The following HERC1 variants were observed in gnomAD, a reference collection of about 807,000 sequenced individuals.
HERC1 encodes the protein HECT and RLD domain containing E3 ubiquitin protein ligase family member 1, also known as probable E3 ubiquitin-protein ligase HERC1.
In HERC1, 160 loss-of-function variants were observed where a neutral mutation model predicts 554.3. The observed-to-expected ratio is 0.29, with a 90% CI of 0.25 to 0.33. The LOEUF is 0.33. Ranked by LOEUF, HERC1 falls within the 10% of genes least tolerant of loss-of-function variation. HERC1 has a pLI of 1.00. For missense variants in HERC1, 4,919 were observed against 5,918.5 expected, an observed-to-expected ratio of 0.83 and a Z score of 5.54; for synonymous variants, 2,175 against 2,131.7, an observed-to-expected ratio of 1.02 and a Z score of -0.56.
chr15:63,662,053 G>C (rs1466768967), intron 44 of HERC1, 32 bp from the exon 45 acceptor site: 1 of 1,591,598 alleles, frequency 6.3e-7, no homozygotes, highest in Non-Finnish European at 8.6e-7. Flanking sequence ...CAAATGATTA[G>C]TCAATTTAAC....
At chr15:63,813,289 A>G (rs575644900) in intron 1 of HERC1, among the ~76,000 whole-genome samples, 1 of 149,444 alleles carries the variant, frequency 6.7e-6, no homozygotes, top group African/African-American at 2.5e-5. Flanking sequence ...CACCACTACA[A>G]CAGTACTGAT....
chr15:63,826,307 C>T (rs192979869), intron 1 of HERC1, among the ~76,000 whole-genome samples: 4 of 152,146 alleles, frequency 2.6e-5, no homozygotes, highest in South Asian at 2.1e-4. Flanking sequence ...TTTAAACTCG[C>T]GGTTTAATTT....
rs551629379 is a variant in HERC1 at position 63,649,789 on chromosome 15, C to G, written c.10683G>C (p.Leu3561=). ...TGGTGGACACATCAACAACTTCAAT[C>G]AGTCCCAGAGATCCATCCATCCGTC... ...LVGRMDGSLG[L]IEVVDVSTMH... is the part of the protein sequence containing the mutation. The change falls in exon 54 of 78, where the codon CTG becomes CTC. Residue 3561 remains leucine, a synonymous_variant. Transcript: ENST00000443617. The G allele has an allele frequency of 1.2e-5, 19 of 1,613,722 alleles. No individual in the cohort carries two copies. The South Asian group carries it at 1.6e-4, about 14-fold the overall frequency.
intron 63 of HERC1, 112 bp from the exon 64 acceptor site, chr15:63,637,755 C>T: frequency 1.1e-6 from 1 of 929,766 alleles, no homozygotes; most frequent in Non-Finnish European, 1.5e-6. Context: ...TTGTTTTATC[C>T]TTTTACTGAA....
intron 1 of HERC1, among the ~76,000 whole-genome samples, chr15:63,815,554 T>C (rs59769375): frequency 0.011 from 1,677 of 152,336 alleles, 27 homozygotes; most frequent in African/African-American, 0.038. Flanking sequence ...TCTAAAAGTG[T>C]AATGCTTACA....
intron 46 of HERC1, among the ~76,000 whole-genome samples, 160 bp from the exon 47 acceptor site, chr15:63,660,096 A>G (rs1046405436): frequency 6.6e-6 from 1 of 152,196 alleles, no homozygotes; most frequent in African/African-American, 2.4e-5. Context: ...AGGCGACTGG[A>G]TCACATGAGG....
At chr15:63,818,501 A>G (rs549052228) in intron 1 of HERC1, among the ~76,000 whole-genome samples, 1 of 152,374 alleles carries the variant, frequency 6.6e-6, no homozygotes, top group South Asian at 2.1e-4. Context: ...CATCTTAAAT[A>G]CGAATATAAA....
chr15:63,828,785 T>C (rs1353731883), intron 1 of HERC1, among the ~76,000 whole-genome samples: 2 of 152,128 alleles, frequency 1.3e-5, no homozygotes, highest in Non-Finnish European at 2.9e-5. Flanking sequence ...ATGAACTTAA[T>C]GCATTAGGGA....
Position 63,774,690 on chromosome 15 carries a change from G to A in HERC1, c.930+4C>T, listed in dbSNP as rs777735765. The A allele has an allele frequency of 9.5e-6, 15 of 1,585,660 alleles. No homozygotes were observed. In the East Asian group the frequency reaches 1.3e-4, roughly 14 times the overall value. ...ACTTTAAAGTTGAGACTTATAGTAC[G>A]TACCAAAGAACGCCTCATCTGCATT... On this transcript the variant is annotated splice_donor_region_variant and intron_variant, in intron 2 of 77. Coordinates refer to ENST00000443617, the MANE Select transcript of HERC1 (RefSeq NM_003922.4).
At chr15:63,740,037 A>G (rs1243984166) in intron 12 of HERC1, among the ~76,000 whole-genome samples, 1 of 152,066 alleles carries the variant, frequency 6.6e-6, no homozygotes, top group Non-Finnish European at 1.5e-5. Flanking sequence ...CAGCCTCCCA[A>G]GTATCTGGGA....
intron 14 of HERC1, among the ~76,000 whole-genome samples, chr15:63,731,037 C>T (rs908033693): frequency 5.3e-5 from 8 of 152,090 alleles, no homozygotes; most frequent in Non-Finnish European, 1.0e-4. Context: ...ACTGCATATT[C>T]TATTTTTGGT....
chr15:63,787,869 G>A (rs1255147558), intron 1 of HERC1, among the ~76,000 whole-genome samples: 2 of 151,212 alleles, frequency 1.3e-5, no homozygotes, highest in Non-Finnish European at 2.9e-5. Context: ...GGCATACTGG[G>A]GAGGCCGCCT....
intron 1 of HERC1, among the ~76,000 whole-genome samples, chr15:63,776,202 C>T (rs2076109390): frequency 6.6e-6 from 1 of 152,234 alleles, no homozygotes. Flanking sequence ...AATTCATATA[C>T]ACAAGTGCCT....
chr15:63,680,494 T>C lies in HERC1; in HGVS notation c.6465+43A>G, dbSNP rs759712855. On this transcript the variant is annotated intron_variant, in intron 35 of 77. Coordinates refer to ENST00000443617, the MANE Select transcript of HERC1 (RefSeq NM_003922.4). The surrounding 1 kb of genome is among the most constrained non-coding windows in gnomAD (Gnocchi z 5.8). ...CTTGAATAACCGAGTTGACTATAAA[T>C]AGAAACAAGAAAAATGTAATGCTTG... 23 of 1,599,906 alleles carry C rather than the reference T, an allele frequency of 1.4e-5. No individual in the cohort carries two copies. The East Asian group carries it at 1.6e-4, about 11-fold the overall frequency.
chr15:63,812,112 T>C (rs937234125), intron 1 of HERC1, among the ~76,000 whole-genome samples: 1 of 152,186 alleles, frequency 6.6e-6, no homozygotes, highest in Non-Finnish European at 1.5e-5. Context: ...CCCATAAACA[T>C]AGACACTAAG....
chr15:63,632,527 T>C, intron 68 of HERC1, 182 bp downstream of exon 68: 1 of 677,666 alleles, frequency 1.5e-6, no homozygotes, highest in Non-Finnish European at 2.7e-6. Context: ...GGAGGGGAGT[T>C]TGTCTTTATA....
chr15:63,774,800 G>A lies in HERC1; in HGVS notation c.824C>T (p.Ser275Leu), dbSNP rs2076071249. 6 of 1,613,782 alleles carry A rather than the reference G, an allele frequency of 3.7e-6. No homozygotes were observed. Among genetic ancestry groups the A allele is most frequent in the Non-Finnish European group, 3.4e-6 (4 of 1,179,870 alleles). ...LEWIEMALGA[S>L]AVVHTMEKGK... is the part of the protein sequence containing the mutation. ...TTTCTCCATGGTGTGTACAACTGCCGAAGCCCCCAAAGCCATTTCTATCCA... is the reference window on the plus strand; with the variant it reads ...TTTCTCCATGGTGTGTACAACTGCCAAAGCCCCCAAAGCCATTTCTATCCA... Residue 275 changes from serine (S) to leucine (L), a missense_variant, in exon 2 of 78, where the codon TCG (serine) becomes TTG (leucine). This residue lies in a region of HERC1 where 744 missense variants were observed against 1,090.0 expected (regional missense o/e 0.68). Transcript: ENST00000443617.
chr15:63,806,434 TCTTA>T (rs1234348648), intron 1 of HERC1, among the ~76,000 whole-genome samples: 1 of 152,166 alleles, frequency 6.6e-6, no homozygotes, highest in Admixed American at 6.5e-5. Context: ...CCTCTAACTC[TCTTA>T]CTTTTGCTTA....
At chr15:63,797,548 C>G (rs1189961575) in intron 1 of HERC1, among the ~76,000 whole-genome samples, 1 of 152,070 alleles carries the variant, frequency 6.6e-6, no homozygotes, top group African/African-American at 2.4e-5. Flanking sequence ...TTTCCCTGAC[C>G]AATCAACATT....
Sources: allele counts gnomAD v4.1 joint callset (sites outside exome capture counted in the v4.1 genomes callset), GRCh38; gene constraint gnomAD v4.1.1; regional missense constraint gnomAD v4.1.1; non-coding constraint Gnocchi (gnomAD v3.1); transcripts MANE v1.5; gene names NCBI Gene and HGNC (gene_info 2026-07-23, HGNC 2026-07-21).